TRPM3: variants seen among roughly 807,000 people sequenced by gnomAD.
The protein encoded by TRPM3 is transient receptor potential cation channel subfamily M member 3.
In TRPM3, 77 loss-of-function variants were observed where a neutral mutation model predicts 181.2. That is an observed-to-expected ratio of 0.42 (90% CI 0.35 to 0.51). TRPM3 has a LOEUF of 0.51. Among genes scored for constraint, TRPM3 ranks in the 20% least tolerant of loss-of-function variants. The pLI, the probability that TRPM3 is intolerant of heterozygous loss-of-function variation, is 0.01. For missense variants in TRPM3, 1,759 were observed against 2,196.7 expected (o/e 0.80, Z 3.98); for synonymous variants, 745 against 796.4 (o/e 0.94, Z 1.09).
At chr9:70,811,107 A>C in intron 6 of TRPM3, 1 of 1,288,948 alleles carries the variant, frequency 7.8e-7, no homozygotes, top group Admixed American at 2.1e-5. Context: ...GGAAATGAAG[A>C]CTTCTGTGGT....
chr9:70,686,125 C>T (rs763673107), intron 8 of TRPM3, among the ~76,000 whole-genome samples: 1 of 151,104 alleles, frequency 6.6e-6, no homozygotes, highest in East Asian at 1.9e-4. Context: ...TATATACACA[C>T]ACATATGTAA....
At chr9:71,038,476 C>T (rs1392130361) in intron 1 of TRPM3, among the ~76,000 whole-genome samples, 2 of 152,072 alleles carry the variant, frequency 1.3e-5, no homozygotes, top group Non-Finnish European at 2.9e-5. Context: ...CCCTCTCTTC[C>T]TTTCTCCCTC....
intron 1 of TRPM3, among the ~76,000 whole-genome samples, chr9:71,410,366 C>G (rs2093522460): frequency 6.6e-6 from 1 of 151,668 alleles, no homozygotes; most frequent in South Asian, 2.1e-4. Context: ...GCTAGCAAGA[C>G]TAGTAAAGAA....
chr9:71,399,524 TTG>T lies in TRPM3; in HGVS notation c.183+47127_183+47128del, dbSNP rs1491026678. On this transcript the variant is annotated intron_variant, in intron 1 of 24. Transcript: ENST00000357533. ...TTCATTTTACTCCTTATATTTTCTT[TTG>T]TTTTTTTTTTTTTTTTTTTTGAGAA... is the stretch of plus-strand genomic sequence containing the variant. Among the ~76,000 whole-genome samples the T allele has an allele frequency of 2.9e-3, 293 of 101,476 alleles. 12 individuals are homozygous for T. The highest frequency in any genetic ancestry group is 4.7e-3 in the Admixed American group (42 of 8,862). 66.6% of individuals were successfully genotyped at this position (101,476 alleles called of 152,430 possible).
At chr9:71,288,365 A>G (rs1163542160) in intron 1 of TRPM3, among the ~76,000 whole-genome samples, 1 of 152,106 alleles carries the variant, frequency 6.6e-6, no homozygotes, top group East Asian at 1.9e-4. Flanking sequence ...TACACATAGC[A>G]TTATTTTTCA....
At chr9:70,937,877 G>A (rs140932239) in intron 1 of TRPM3, among the ~76,000 whole-genome samples, 1 of 150,758 alleles carries the variant, frequency 6.6e-6, no homozygotes, top group Non-Finnish European at 1.5e-5. Flanking sequence ...AGCATTTGGG[G>A]TCGGGGGAGG....
chr9:71,212,897 T>A (rs1450864523), intron 1 of TRPM3, among the ~76,000 whole-genome samples: 4 of 152,090 alleles, frequency 2.6e-5, no homozygotes, highest in Non-Finnish European at 4.4e-5. Flanking sequence ...CAGGAAAGAC[T>A]GATGACACAA....
chr9:70,905,507 T>C (rs966075750), intron 1 of TRPM3, among the ~76,000 whole-genome samples: 4 of 152,238 alleles, frequency 2.6e-5, no homozygotes, highest in African/African-American at 9.6e-5. Flanking sequence ...TATACAATTA[T>C]ATTATTTCAT....
At chr9:70,541,871 C>A (rs2043468544) in intron 25 of TRPM3, among the ~76,000 whole-genome samples, 4 of 152,046 alleles carry the variant, frequency 2.6e-5, no homozygotes, top group Admixed American at 2.6e-4. Flanking sequence ...ACCTGTAATC[C>A]CAGGACTTTG....
upstream of TRPM3, among the ~76,000 whole-genome samples, chr9:71,125,504 A>G (rs1411200883): frequency 6.6e-6 from 1 of 152,186 alleles, no homozygotes; most frequent in Non-Finnish European, 1.5e-5. Flanking sequence ...AGCTCCATCC[A>G]TGTCACTGCA....
At position 70,658,019 on chromosome 9, in the gene TRPM3, G is replaced by A. The variant is rs1428045810; in HGVS notation, c.1346-17359C>T. ...ATGGGCCCCTATATCAGATTAACAA[G>A]GTTTTCTTGAAGCATTAACTGACTC... is the stretch of plus-strand genomic sequence containing the variant. On this transcript the variant is annotated intron_variant, in intron 9 of 25. Coordinates refer to ENST00000677713, the MANE Select transcript of TRPM3 (RefSeq NM_001366145.2). Among the ~76,000 whole-genome samples the A allele has an allele frequency of 5.9e-5, 9 of 152,192 alleles. No homozygotes were observed. The East Asian group carries it at 1.5e-3, about 26-fold the overall frequency.
chr9:71,197,402 G>C (rs1278359551), intron 1 of TRPM3, among the ~76,000 whole-genome samples: 1 of 152,048 alleles, frequency 6.6e-6, no homozygotes, highest in Non-Finnish European at 1.5e-5. Context: ...GGGATGGCTG[G>C]GTCAAATGGT....
intron 1 of TRPM3, among the ~76,000 whole-genome samples, chr9:70,979,120 A>T (rs912113629): frequency 6.6e-6 from 1 of 152,148 alleles, no homozygotes; most frequent in African/African-American, 2.4e-5. Flanking sequence ...TGACAGGTCA[A>T]TTTATATACA....
intron 6 of TRPM3, among the ~76,000 whole-genome samples, chr9:70,803,870 C>G (rs1372575337): frequency 6.6e-6 from 1 of 152,122 alleles, no homozygotes; most frequent in Non-Finnish European, 1.5e-5. Context: ...CTCACTCCCA[C>G]CTCTCCCACC....
intron 6 of TRPM3, among the ~76,000 whole-genome samples, chr9:70,794,224 T>C (rs756502325): frequency 9.5e-4 from 144 of 152,240 alleles, no homozygotes; most frequent in Non-Finnish European, 1.6e-3. Context: ...GACTGTTTAC[T>C]ATATGGGAAG....
chr9:70,905,029 C>G (rs2096442285), intron 1 of TRPM3, among the ~76,000 whole-genome samples: 1 of 152,148 alleles, frequency 6.6e-6, no homozygotes, highest in South Asian at 2.1e-4. Context: ...GGGGCAGATG[C>G]CAGTAATCCT....
At chr9:71,137,173 G>A (rs1314743332) in intron 1 of TRPM3, among the ~76,000 whole-genome samples, 14 of 151,834 alleles carry the variant, frequency 9.2e-5, no homozygotes, top group Admixed American at 5.9e-4. Flanking sequence ...TTTATTTTGT[G>A]GTTTTCCTTT....
chr9:71,132,266 G>A (rs568072600), intron 1 of TRPM3, among the ~76,000 whole-genome samples: 1 of 152,270 alleles, frequency 6.6e-6, no homozygotes, highest in Non-Finnish European at 1.5e-5. Context: ...TCGATCTCTT[G>A]TTCTTTGCCT....
chr9:70,582,176 C>CTG (rs1198403990), intron 22 of TRPM3, among the ~76,000 whole-genome samples: 1,432 of 78,012 alleles, frequency 0.018, 18 homozygotes, highest in African/African-American at 0.062. Context: ...CGCCTCCACC[C>CTG]TGTGCGTGTG....
Sources: gnomAD v4.1 joint callset for allele counts (sites outside exome capture counted in the v4.1 genomes callset) on GRCh38, gnomAD v4.1.1 for gene constraint, MANE v1.5 for transcripts, NCBI Gene and HGNC (gene_info 2026-07-23, HGNC 2026-07-21) for gene names.